FAM177B: variants seen among roughly 807,000 people sequenced by gnomAD.
FAM177B encodes the protein family with sequence similarity 177 member B, also known as protein FAM177B.
A neutral mutation model predicts 16.1 loss-of-function variants in FAM177B; 16 were observed. The ratio of observed to expected loss-of-function variants is 0.99; its 90% CI spans 0.67 to 1.51. The LOEUF (loss-of-function observed/expected upper bound fraction) is 1.51. Among genes scored for constraint, FAM177B ranks in the 40% most tolerant of loss-of-function variants. The pLI, the probability that FAM177B is intolerant of heterozygous loss-of-function variation, is 0.00. For missense variants in FAM177B, 178 were observed against 183.7 expected (o/e 0.97, Z 0.18); for synonymous variants, 56 against 59.9 (o/e 0.93, Z 0.30).
chr1:222,741,776 TTC>T (rs762055469), intron 2 of FAM177B, among the ~76,000 whole-genome samples: 86 of 144,160 alleles, frequency 6.0e-4, no homozygotes, highest in Non-Finnish European at 1.7e-4. Context: ...CTTTCTTCCT[TTC>T]TTTCTTTTTC....
chr1:222,745,631 A>C (rs1185894673), intron 2 of FAM177B, among the ~76,000 whole-genome samples: 2 of 150,740 alleles, frequency 1.3e-5, no homozygotes, highest in African/African-American at 4.9e-5. Flanking sequence ...GCCCCCCAAA[A>C]AAATTTTAGG....
intron 2 of FAM177B, among the ~76,000 whole-genome samples, chr1:222,738,874 G>T (rs1177373079): frequency 1.3e-5 from 2 of 152,180 alleles, no homozygotes; most frequent in African/African-American, 4.8e-5. Context: ...TTAGGTGGCA[G>T]AAAAACATTC....
rs575219984 is a variant in FAM177B, at chr1:222,750,969, A to G, written c.*911A>G. 7.9e-5 allele frequency among the ~76,000 whole-genome samples: 12 copies of G among 152,310 alleles called. No individual in the cohort carries two copies. In the South Asian group the frequency reaches 1.9e-3, roughly 24 times the overall value. On this transcript the variant is annotated 3_prime_UTR_variant, in exon 6 of 6. Transcript: ENST00000445590. ...TTGACTTTGCTTGTTATTGTTATAC[A>G]GAATTATGAGAAATAATAATTTATT...
intron 2 of FAM177B, among the ~76,000 whole-genome samples, chr1:222,740,889 CG>C (rs1553303921): frequency 6.6e-6 from 1 of 151,796 alleles, no homozygotes. Context: ...TTAGTAGGGA[CG>C]GGGTTTCACC....
chr1:222,746,473 T>C, intron 2 of FAM177B, 58 bp from the exon 3 acceptor site: 1 of 930,238 alleles, frequency 1.1e-6, no homozygotes, highest in African/African-American at 1.6e-5. Context: ...TGAAAATAAC[T>C]AGATAACTCT....
At chr1:222,748,440 T>C (rs974794715) in intron 4 of FAM177B, among the ~76,000 whole-genome samples, 26 of 152,262 alleles carry the variant, frequency 1.7e-4, no homozygotes, top group Admixed American at 1.3e-3. Flanking sequence ...CCTAGCTTCC[T>C]TGTGAGTGCC....
At position 222,747,031 on chromosome 1, in the gene FAM177B, G is replaced by A. The variant is rs750453869; in HGVS notation, c.191G>A (p.Gly64Glu). Residue 64 changes from glycine (G) to glutamate (E), a missense_variant, in exon 4 of 6, where the codon GGG (glycine) becomes GAG (glutamate). Coordinates refer to ENST00000445590, the MANE Select transcript of FAM177B (RefSeq NM_001394345.1). ...TTTTTTCAGTCTAAACTTTCCTGGG[G>A]GCCCTACCTACGATTTTGGGCAGGA... Reference protein sequence around the residue: ...STLDPSKLSWGPYLRFWAGRI... With the variant: ...STLDPSKLSWEPYLRFWAGRI... The A allele has an allele frequency of 1.6e-4, 259 of 1,610,544 alleles. No individual in the cohort carries two copies. The highest frequency in any genetic ancestry group is 2.1e-4 in the Non-Finnish European group (248 of 1,177,054).
Position 222,750,569 on chromosome 1 carries a change from C to T in FAM177B, c.*511C>T, listed in dbSNP as rs1241654123. ...ATTGTTTTACAATAAGTAAACATTG[C>T]TAATAACTGTGTTACAAGATCATTA... On this transcript the variant is annotated 3_prime_UTR_variant, in exon 6 of 6. Transcript: ENST00000445590. 2.0e-6 allele frequency: 2 copies of T among 978,756 alleles called. No homozygotes were observed. Among genetic ancestry groups the T allele is most frequent in the South Asian group, 4.7e-5 (1 of 21,136 alleles). 60.6% of individuals were successfully genotyped at this position (978,756 alleles called of 1,614,324 possible). A position where few individuals can be genotyped will look rare whatever the true frequency, so the allele number is the denominator to read the frequency against.
At position 222,746,406 on chromosome 1, in the gene FAM177B, G is replaced by A. The variant is rs2378606; in HGVS notation, c.-15-125G>A. ...TAGAACAGTCCTTTTTTGGATTTGA[G>A]GAATCGATGAGGTCACAGGTGTGAT... On this transcript the variant is annotated intron_variant, in intron 2 of 5. Transcript: ENST00000445590. 0.8 allele frequency: 389,809 copies of A among 487,530 alleles called. 156,323 individuals carry two copies. Among genetic ancestry groups the A allele is most frequent in the Admixed American group, 0.83 (23,454 of 28,158 alleles). The allele number at this position is 487,530 out of a possible 1,614,324, so 30.2% of individuals were successfully genotyped here. A position where few individuals can be genotyped will look rare whatever the true frequency, so the allele number is the denominator to read the frequency against.
Position 222,750,977 on chromosome 1 carries a change from G to A in FAM177B, c.*919G>A, listed in dbSNP as rs1241940284. Among the ~76,000 whole-genome samples, 3 of 152,090 alleles carry A rather than the reference G, an allele frequency of 2.0e-5. No homozygotes were observed. The highest frequency in any genetic ancestry group is 2.9e-5 in the Non-Finnish European group (2 of 68,016). On this transcript the variant is annotated 3_prime_UTR_variant, in exon 6 of 6. Coordinates refer to ENST00000445590, the MANE Select transcript of FAM177B (RefSeq NM_001394345.1). Reference sequence around the variant, plus strand: ...GCTTGTTATTGTTATACAGAATTATGAGAAATAATAATTTATTGTTGTTTT... The same window carrying A: ...GCTTGTTATTGTTATACAGAATTATAAGAAATAATAATTTATTGTTGTTTT...
At chr1:222,741,124 TCTCAA>T (rs1658510479) in intron 2 of FAM177B, among the ~76,000 whole-genome samples, 1 of 131,600 alleles carries the variant, frequency 7.6e-6, no homozygotes, top group African/African-American at 2.8e-5. Flanking sequence ...AGTGGTGCAA[TCTCAA>T]CTCACTGCAA....
At position 222,750,334 on chromosome 1, in the gene FAM177B, A is replaced by G. The variant is rs1039023838; in HGVS notation, c.*276A>G. Reference sequence around the variant, plus strand: ...ACTCCACCCCTGTGATACAAGTCCCATGAGTACTGACATTTGCACAGTAGC... The same window carrying G: ...ACTCCACCCCTGTGATACAAGTCCCGTGAGTACTGACATTTGCACAGTAGC... On this transcript the variant is annotated 3_prime_UTR_variant, in exon 6 of 6. Transcript: ENST00000445590. The G allele has an allele frequency of 4.1e-6, 5 of 1,229,862 alleles. No individual in the cohort carries two copies. In the African/African-American group the frequency reaches 6.2e-5, roughly 15 times the overall value. The allele number at this position is 1,229,862 out of a possible 1,614,324, so 76.2% of individuals were successfully genotyped here. A position where few individuals can be genotyped will look rare whatever the true frequency, so the allele number is the denominator to read the frequency against.
chr1:222,750,592 T>C lies in FAM177B; in HGVS notation c.*534T>C. 1 of 945,980 alleles carries C rather than the reference T, an allele frequency of 1.1e-6. No individual in the cohort carries two copies. The highest frequency in any genetic ancestry group is 1.3e-6 in the Non-Finnish European group (1 of 794,094). 58.6% of individuals were successfully genotyped at this position (945,980 alleles called of 1,614,324 possible). On this transcript the variant is annotated 3_prime_UTR_variant, in exon 6 of 6. Coordinates refer to ENST00000445590, the MANE Select transcript of FAM177B (RefSeq NM_001394345.1). ...TGCTAATAACTGTGTTACAAGATCA[T>C]TATCAAGATCTTTAAGAATTAGGTA...
chr1:222,742,410 C>T (rs1328384828), intron 2 of FAM177B: 4 of 152,140 alleles, frequency 2.6e-5, no homozygotes, highest in Non-Finnish European at 4.4e-5. Flanking sequence ...AATTGATGTA[C>T]ATTGAGTCAT....
At chr1:222,749,176 T>C (rs1658935359) in intron 4 of FAM177B, 3 of 407,328 alleles carry the variant, frequency 7.4e-6, no homozygotes, top group Non-Finnish European at 1.4e-5. Flanking sequence ...TCAGGACCCA[T>C]GCTATACCTG....
chr1:222,748,659 A>AT (rs780935845), intron 4 of FAM177B, among the ~76,000 whole-genome samples: 8 of 152,162 alleles, frequency 5.3e-5, no homozygotes, highest in East Asian at 1.9e-4. Flanking sequence ...TTATTTTAAT[A>AT]TTTTTTTAAA....
At position 222,746,623 on chromosome 1, in the gene FAM177B, C is replaced by T. The variant is rs140872706; in HGVS notation, c.78C>T (p.Ile26=). 4.3e-5 allele frequency: 69 copies of T among 1,611,582 alleles called. No homozygotes were observed. The African/African-American group carries it at 8.7e-4, about 20-fold the overall frequency. The change falls in exon 3 of 6, where the codon ATC becomes ATT. Residue 26 remains isoleucine (I), a synonymous_variant. Transcript: ENST00000445590. ...PSKKTTPKRI[I]HFVDGDIMEE... ...AAAAGACTACTCCTAAAAGGATTAT[C>T]CATTTTGTTGACGGAGACATCATGG...
chr1:222,745,711 C>T (rs982825552), intron 2 of FAM177B, among the ~76,000 whole-genome samples: 5 of 152,186 alleles, frequency 3.3e-5, no homozygotes, highest in Non-Finnish European at 7.3e-5. Context: ...TACTCGACAT[C>T]AGGAGTTTGA....
intron 2 of FAM177B, among the ~76,000 whole-genome samples, chr1:222,741,455 T>C (rs1442954261): frequency 1.3e-5 from 2 of 152,274 alleles, no homozygotes; most frequent in East Asian, 3.9e-4. Context: ...GCAGGAATGG[T>C]TAATGCTCAG....
Sources: gnomAD v4.1 joint callset for allele counts (sites outside exome capture counted in the v4.1 genomes callset) on GRCh38, gnomAD v4.1.1 for gene constraint, MANE v1.5 for transcripts, NCBI Gene and HGNC (gene_info 2026-07-23, HGNC 2026-07-21) for gene names.